The following DTNB variants were observed in gnomAD, a reference collection of about 807,000 sequenced individuals.
DTNB encodes the protein dystrobrevin beta, also known as DTN-B.
DTNB carries 63 observed loss-of-function variants against 90.7 expected under a neutral mutation model. That is an observed-to-expected ratio of 0.69 (90% CI 0.57 to 0.86). The LOEUF (loss-of-function observed/expected upper bound fraction) is 0.86. DTNB is among the 40% of genes least tolerant of loss of function. The pLI, the probability that DTNB is intolerant of heterozygous loss-of-function variation, is 0.00. For synonymous variants in DTNB, 277 were observed against 286.7 expected, an observed-to-expected ratio of 0.97 and a Z score of 0.34; for missense variants, 744 against 807.1, an observed-to-expected ratio of 0.92 and a Z score of 0.95.
chr2:25,456,191 C>T (rs2060000709), intron 10 of DTNB, among the ~76,000 whole-genome samples: 1 of 152,154 alleles, frequency 6.6e-6, no homozygotes, highest in African/African-American at 2.4e-5. Context: ...AATGACTACC[C>T]CTCAGGTACC....
intron 11 of DTNB, among the ~76,000 whole-genome samples, chr2:25,453,689 C>T (rs909088238): frequency 2.0e-5 from 3 of 152,150 alleles, no homozygotes; most frequent in Non-Finnish European, 4.4e-5. Context: ...TTTGTCTTGC[C>T]TAGGGTGAAA....
At chr2:25,616,446 A>C (rs1048743407) in intron 4 of DTNB, among the ~76,000 whole-genome samples, 2 of 152,174 alleles carry the variant, frequency 1.3e-5, no homozygotes, top group Non-Finnish European at 2.9e-5. Flanking sequence ...TGTAAATATT[A>C]GTCCTAGATT....
rs990302058 is a variant in DTNB at position 25,520,537 on chromosome 2, T to C, written c.1001+10936A>G. On this transcript the variant is annotated intron_variant, in intron 9 of 20. Coordinates refer to ENST00000406818, the MANE Select transcript of DTNB (RefSeq NM_021907.5). ...TAATTAAACAACATAAACAAGAAGT[T>C]AGACTTGTTCTTTCACAGGGTTACA... is the stretch of plus-strand genomic sequence containing the variant. Among the ~76,000 whole-genome samples, 6 of 152,226 alleles carry C rather than the reference T, an allele frequency of 3.9e-5. No homozygotes were observed. The South Asian group carries it at 1.0e-3, about 26-fold the overall frequency.
chr2:25,425,460 T>C (rs1558469532), intron 15 of DTNB, among the ~76,000 whole-genome samples: 1 of 152,164 alleles, frequency 6.6e-6, no homozygotes, highest in South Asian at 2.1e-4. Flanking sequence ...TTGGAGAAAG[T>C]CTCTAAACTG....
At chr2:25,611,613 AGG>A (rs1367359821) in intron 4 of DTNB, among the ~76,000 whole-genome samples, 1 of 152,142 alleles carries the variant, frequency 6.6e-6, no homozygotes, top group African/African-American at 2.4e-5. Context: ...AATAATCTAG[AGG>A]GAAAAGCACA....
chr2:25,453,069 C>T (rs1023181855), intron 11 of DTNB, among the ~76,000 whole-genome samples: 3 of 151,966 alleles, frequency 2.0e-5, no homozygotes, highest in African/African-American at 7.3e-5. Context: ...AAAATGAATG[C>T]TTAACGATAC....
intron 12 of DTNB, among the ~76,000 whole-genome samples, chr2:25,442,821 C>T (rs937730366): frequency 2.0e-5 from 3 of 152,172 alleles, no homozygotes; most frequent in Non-Finnish European, 2.9e-5. Flanking sequence ...TGTTCTGCCT[C>T]GGTTTCCTTT....
chr2:25,669,798 A>G (rs1253662536), intron 1 of DTNB, among the ~76,000 whole-genome samples: 1 of 152,034 alleles, frequency 6.6e-6, no homozygotes, highest in Non-Finnish European at 1.5e-5. Context: ...TCTACAAAAA[A>G]TTTTAAATGG....
intron 12 of DTNB, among the ~76,000 whole-genome samples, chr2:25,445,921 T>TA (rs1491307908): frequency 1.3e-4 from 4 of 31,794 alleles, no homozygotes; most frequent in African/African-American, 9.2e-4. Context: ...CCCTGGGTAG[T>TA]TTTTTTTTTT....
chr2:25,408,121 C>T (rs889480686), intron 16 of DTNB, among the ~76,000 whole-genome samples: 6 of 151,808 alleles, frequency 4.0e-5, no homozygotes, highest in African/African-American at 9.7e-5. Flanking sequence ...GCCTGACCAA[C>T]GTAGAGAAAC....
At chr2:25,610,785 C>T (rs2068419656) in intron 4 of DTNB, among the ~76,000 whole-genome samples, 1 of 152,056 alleles carries the variant, frequency 6.6e-6, no homozygotes, top group South Asian at 2.1e-4. Flanking sequence ...TCTTGGCTCA[C>T]TGTAACTTCC....
intron 1 of DTNB, among the ~76,000 whole-genome samples, chr2:25,670,893 C>T (rs2085694021): frequency 6.6e-6 from 1 of 152,086 alleles, no homozygotes; most frequent in Non-Finnish European, 1.5e-5. Flanking sequence ...TTGTGCCATC[C>T]CACTCTGTCC....
At chr2:25,380,653 A>G (rs1196669038) in intron 19 of DTNB, among the ~76,000 whole-genome samples, 1 of 152,262 alleles carries the variant, frequency 6.6e-6, no homozygotes, top group Non-Finnish European at 1.5e-5. Context: ...AGATGCAGAC[A>G]GGGCAGTGCA....
chr2:25,458,115 G>C (rs1345040275), intron 10 of DTNB, among the ~76,000 whole-genome samples: 3 of 152,158 alleles, frequency 2.0e-5, no homozygotes, highest in Admixed American at 2.0e-4. Context: ...TTACAGGTGT[G>C]AGCCACCATG....
In DTNB at chr2:25,667,141, T is replaced by G. The variant is rs547344871; in HGVS notation, c.-2+6245A>C. Among the ~76,000 whole-genome samples, 24 of 131,918 alleles carry G rather than the reference T, an allele frequency of 1.8e-4. No homozygotes were observed. The East Asian group carries it at 4.5e-3, about 25-fold the overall frequency. The allele number at this position is 131,918 out of a possible 152,430, so 86.5% of individuals were successfully genotyped here. On this transcript the variant is annotated intron_variant, in intron 1 of 20. Transcript: ENST00000406818. ...CAGTGGGCACAGAAGAAAACAAAATTAAAAAAAAAAAAAAGAAAAGAAAAC... is the reference window on the plus strand; with the variant it reads ...CAGTGGGCACAGAAGAAAACAAAATGAAAAAAAAAAAAAAGAAAAGAAAAC...
At chr2:25,390,344 T>C (rs548982746) in intron 16 of DTNB, among the ~76,000 whole-genome samples, 3 of 152,254 alleles carry the variant, frequency 2.0e-5, no homozygotes, top group Admixed American at 2.0e-4. Context: ...ATAAAATTTC[T>C]CTAAGAAAAC....
chr2:25,407,386 A>T (rs1176245059), intron 16 of DTNB, among the ~76,000 whole-genome samples: 1 of 152,236 alleles, frequency 6.6e-6, no homozygotes, highest in Non-Finnish European at 1.5e-5. Flanking sequence ...AACCAAAAGT[A>T]GACCTACCAT....
intron 15 of DTNB, among the ~76,000 whole-genome samples, chr2:25,422,395 C>CTTTTTTT (rs146697158): frequency 4.8e-5 from 4 of 82,942 alleles, no homozygotes; most frequent in East Asian, 3.5e-4. Flanking sequence ...CTTTTCTCTT[C>CTTTTTTT]TTTTTTTTTT....
intron 3 of DTNB, among the ~76,000 whole-genome samples, chr2:25,630,997 C>G (rs2075602669): frequency 6.6e-6 from 1 of 151,490 alleles, no homozygotes; most frequent in African/African-American, 2.4e-5. Flanking sequence ...GAAATGTCCA[C>G]ATAGGCAAAT....
Sources: gnomAD v4.1 joint callset for allele counts (sites outside exome capture counted in the v4.1 genomes callset) on GRCh38, gnomAD v4.1.1 for gene constraint, MANE v1.5 for transcripts, NCBI Gene and HGNC (gene_info 2026-07-23, HGNC 2026-07-21) for gene names.